Variants in CPSF7 observed in about 807,000 individuals in gnomAD.
CPSF7 encodes the protein cleavage and polyadenylation specificity factor subunit 7.
CPSF7 carries 1 observed loss-of-function variant against 44.3 expected under a neutral mutation model. The ratio of observed to expected loss-of-function variants is 0.02; its 90% CI spans 0.01 to 0.11. The LOEUF is 0.11. Ranked by LOEUF, CPSF7 falls within the 10% of genes least tolerant of loss-of-function variation. The probability of loss-of-function intolerance (pLI) is 1.00; values close to 1 mark genes in which losing one functional copy is unlikely to be tolerated. For missense variants in CPSF7, 443 were observed against 607.2 expected, an observed-to-expected ratio of 0.73 and a Z score of 2.84; for synonymous variants, 202 against 222.0, an observed-to-expected ratio of 0.91 and a Z score of 0.80.
chr11:61,417,894 C>T (rs1170429397), intron 5 of CPSF7, among the ~76,000 whole-genome samples: 4 of 152,182 alleles, frequency 2.6e-5, no homozygotes, highest in African/African-American at 4.8e-5. Flanking sequence ...CCAGGTCCAT[C>T]AGCATGACAG....
intron 9 of CPSF7, among the ~76,000 whole-genome samples, chr11:61,408,416 T>C (rs1158281916): frequency 6.6e-6 from 1 of 152,156 alleles, no homozygotes; most frequent in African/African-American, 2.4e-5. Flanking sequence ...CAAGGACATC[T>C]TCCTAATGTA....
Position 61,404,398 on chromosome 11 carries a change from C to A in CPSF7, c.*312G>T, listed in dbSNP as rs191559724. 2 of 152,628 alleles carry A rather than the reference C, an allele frequency of 1.3e-5. No homozygotes were observed. The highest frequency in any genetic ancestry group is 4.1e-4 in the South Asian group (2 of 4,824). The allele number at this position is 152,628 out of a possible 1,614,324, so 9.5% of individuals were successfully genotyped here. A position where few individuals can be genotyped will look rare whatever the true frequency, so the allele number is the denominator to read the frequency against. On this transcript the variant is annotated 3_prime_UTR_variant, in exon 10 of 10. Transcript: ENST00000439958. Reference sequence around the variant, plus strand: ...GCTCCCGGAGAATCAGAAACTCATACGTTTTCTTGGACAAAGCACCATTCT... The same window carrying A: ...GCTCCCGGAGAATCAGAAACTCATAAGTTTTCTTGGACAAAGCACCATTCT...
chr11:61,412,027 G>A, intron 7 of CPSF7, 90 bp from the exon 8 acceptor site: 2 of 1,202,224 alleles, frequency 1.7e-6, no homozygotes, highest in Non-Finnish European at 2.4e-6. Flanking sequence ...CACAAACCAA[G>A]AGTAGCTAGC....
At chr11:61,409,467 TCAAAA>T (rs1243620846) in intron 9 of CPSF7, among the ~76,000 whole-genome samples, 5 of 151,980 alleles carry the variant, frequency 3.3e-5, no homozygotes, top group Non-Finnish European at 5.9e-5. Flanking sequence ...AGACTCTGTC[TCAAAA>T]CAAAACAAAA....
chr11:61,428,118 T>C (rs903728022), intron 2 of CPSF7, among the ~76,000 whole-genome samples: 2 of 152,358 alleles, frequency 1.3e-5, no homozygotes, highest in African/African-American at 4.8e-5. Flanking sequence ...TTTTGGAACA[T>C]TCTTGAGAAT....
Position 61,404,617 on chromosome 11 carries a change from A to AG in CPSF7, c.*92dup, listed in dbSNP as rs1184580662. 1 of 152,158 alleles carries AG rather than the reference A, an allele frequency of 6.6e-6. No individual in the cohort carries two copies. Among genetic ancestry groups the AG allele is most frequent in the African/African-American group, 2.4e-5 (1 of 41,372 alleles). The allele number at this position is 152,158 out of a possible 1,614,324, so 9.4% of individuals were successfully genotyped here. A position where few individuals can be genotyped will look rare whatever the true frequency, so the allele number is the denominator to read the frequency against. On this transcript the variant is annotated 3_prime_UTR_variant, in exon 10 of 10. Coordinates refer to ENST00000439958, the MANE Select transcript of CPSF7 (RefSeq NM_001142565.3). The stretch of plus-strand genomic sequence containing the variant: ...GAGTTAGGGGTTTGGAGGAAAGGGA[A>AG]GGGGGTGGGGCGGCCTCCGTCCTTT...
chr11:61,411,707 C>T (rs1265559786), intron 8 of CPSF7, 62 bp downstream of exon 8: 17 of 1,480,040 alleles, frequency 1.1e-5, no homozygotes, highest in Non-Finnish European at 1.4e-5. Flanking sequence ...TTTGTCCCCA[C>T]TCCCTATCCC....
chr11:61,407,953 A>G (rs912778657), intron 9 of CPSF7, among the ~76,000 whole-genome samples: 5 of 152,034 alleles, frequency 3.3e-5, no homozygotes, highest in African/African-American at 4.8e-5. Flanking sequence ...CTTCATCCAG[A>G]TATCGCCATC....
intron 9 of CPSF7, among the ~76,000 whole-genome samples, chr11:61,410,212 C>G (rs1182138345): frequency 6.6e-6 from 1 of 152,016 alleles, no homozygotes; most frequent in Non-Finnish European, 1.5e-5. Flanking sequence ...ACCCTCCCAC[C>G]TCCACCTCCT....
chr11:61,429,297 G>C lies in CPSF7; in HGVS notation c.-55-7C>G, dbSNP rs201225989. ...CAAAGTAAGGAAGATGCCACTGCGGGATTCGGAAAAATGCAAGAATTAGAA... is the reference window on the plus strand; with the variant it reads ...CAAAGTAAGGAAGATGCCACTGCGGCATTCGGAAAAATGCAAGAATTAGAA... On this transcript the variant is annotated splice_region_variant and splice_polypyrimidine_tract_variant and intron_variant, in intron 1 of 9. Transcript: ENST00000439958. 86 of 1,576,950 alleles carry C rather than the reference G, an allele frequency of 5.5e-5. No homozygotes were observed. The highest frequency in any genetic ancestry group is 5.2e-6 in the Non-Finnish European group (6 of 1,146,540).
chr11:61,422,255 T>G (rs1391858177), intron 2 of CPSF7, among the ~76,000 whole-genome samples: 1 of 151,508 alleles, frequency 6.6e-6, no homozygotes, highest in Non-Finnish European at 1.5e-5. Context: ...TTTCCCCTAC[T>G]AAGTTCTATT....
intron 1 of CPSF7, 98 bp downstream of exon 1, chr11:61,429,816 C>G (rs1275949316): frequency 1.3e-6 from 2 of 1,548,308 alleles, no homozygotes; most frequent in Non-Finnish European, 1.7e-6. Context: ...CGCCCGCAGA[C>G]TCCGGCCGTC....
rs957747964 is a variant in CPSF7, at chr11:61,411,664, C to T, written c.1226+105G>A. 3.0e-4 allele frequency: 304 copies of T among 1,013,082 alleles called. 3 individuals are homozygous for T. Among genetic ancestry groups the T allele is most frequent in the South Asian group, 1.2e-3 (69 of 55,758 alleles). The allele number at this position is 1,013,082 out of a possible 1,614,324, so 62.8% of individuals were successfully genotyped here. A position where few individuals can be genotyped will look rare whatever the true frequency, so the allele number is the denominator to read the frequency against. ...ACATGAAGGCTAACGTCCAGACTTT[C>T]GGCCAGGTCTTTCCCAGATTCCCTG... On this transcript the variant is annotated intron_variant, in intron 8 of 9. Coordinates refer to ENST00000439958, the MANE Select transcript of CPSF7 (RefSeq NM_001142565.3).
At chr11:61,424,852 C>T (rs894657506) in intron 2 of CPSF7, among the ~76,000 whole-genome samples, 15 of 152,190 alleles carry the variant, frequency 9.9e-5, no homozygotes, top group Admixed American at 9.2e-4. Context: ...AGATTCCCTT[C>T]CATGCAGTAT....
At position 61,420,238 on chromosome 11, in the gene CPSF7, A is replaced by C. The variant is rs574969398; in HGVS notation, c.378-144T>G. The C allele has an allele frequency of 4.1e-6, 3 of 731,190 alleles. No homozygotes were observed. In the African/African-American group the frequency reaches 5.3e-5, roughly 13 times the overall value. 45.3% of individuals were successfully genotyped at this position (731,190 alleles called of 1,614,324 possible). A position where few individuals can be genotyped will look rare whatever the true frequency, so the allele number is the denominator to read the frequency against. ...CACACATACAGCACTAACAACAAAG[A>C]GACAGCCTAAATCTTTATTTTTTTG... On this transcript the variant is annotated intron_variant, in intron 4 of 9. Coordinates refer to ENST00000439958, the MANE Select transcript of CPSF7 (RefSeq NM_001142565.3).
intron 2 of CPSF7, among the ~76,000 whole-genome samples, chr11:61,427,665 A>G (rs1277898991): frequency 6.6e-6 from 1 of 152,008 alleles, no homozygotes; most frequent in African/African-American, 2.4e-5. Context: ...GAAAAAAAAA[A>G]AAAAAAAAGG....
At position 61,420,146 on chromosome 11, in the gene CPSF7, G is replaced by A. The variant is rs776120059; in HGVS notation, c.378-52C>T. ...TGAAATCTGTAGACAGCCAAGAGAAGAAAAAAGAAATTCTCTTCCACTTTT... is the reference window on the plus strand; with the variant it reads ...TGAAATCTGTAGACAGCCAAGAGAAAAAAAAAGAAATTCTCTTCCACTTTT... On this transcript the variant is annotated intron_variant, in intron 4 of 9. Transcript: ENST00000439958. 3 of 1,435,470 alleles carry A rather than the reference G, an allele frequency of 2.1e-6. No individual in the cohort carries two copies. The South Asian group carries it at 3.8e-5, about 18-fold the overall frequency. The allele number at this position is 1,435,470 out of a possible 1,614,324, so 88.9% of individuals were successfully genotyped here.
At chr11:61,406,534 T>C (rs1211312428) in intron 9 of CPSF7, among the ~76,000 whole-genome samples, 1 of 152,168 alleles carries the variant, frequency 6.6e-6, no homozygotes, top group African/African-American at 2.4e-5. Context: ...TTTCAGACTA[T>C]TATTCAGATG....
chr11:61,413,946 G>GTT (rs1208986055), intron 7 of CPSF7, among the ~76,000 whole-genome samples: 2 of 152,082 alleles, frequency 1.3e-5, no homozygotes, highest in African/African-American at 4.8e-5. Flanking sequence ...ATTTTTGCCT[G>GTT]TTTTTGTAGT....
Sources: allele counts gnomAD v4.1 joint callset (sites outside exome capture counted in the v4.1 genomes callset), GRCh38; gene constraint gnomAD v4.1.1; transcripts MANE v1.5; gene names NCBI Gene and HGNC (gene_info 2026-07-23, HGNC 2026-07-21).